Variants in IGF1R observed in about 807,000 individuals in gnomAD.
IGF1R encodes the protein insulin like growth factor 1 receptor, also known as insulin-like growth factor 1 receptor.
In IGF1R, 44 loss-of-function variants were observed where a neutral mutation model predicts 144.6. That is an observed-to-expected ratio of 0.30 (90% confidence interval 0.24 to 0.39). The LOEUF (loss-of-function observed/expected upper bound fraction) is 0.39, where lower values mean the gene tolerates loss of function less well. Among genes scored for constraint, IGF1R ranks in the 10% least tolerant of loss-of-function variants. IGF1R has a pLI of 1.00. For missense variants in IGF1R, 1,355 were observed against 1,833.7 expected (o/e 0.74, Z 4.77); for synonymous variants, 795 against 722.8 (o/e 1.10, Z -1.60).
intron 2 of IGF1R, among the ~76,000 whole-genome samples, chr15:98,769,122 T>A (rs947837205): frequency 1.4e-4 from 22 of 152,376 alleles, no homozygotes; most frequent in Admixed American, 5.9e-4. Flanking sequence ...CAGTTTTAAG[T>A]GTATAAATAT....
At chr15:98,720,346 C>G (rs1249085860) in intron 2 of IGF1R, among the ~76,000 whole-genome samples, 4 of 152,340 alleles carry the variant, frequency 2.6e-5, no homozygotes, top group Middle Eastern at 3.4e-3. Flanking sequence ...TACTGACTTT[C>G]CTTCCAGCTC....
chr15:98,740,710 C>T (rs1260571922), intron 2 of IGF1R, among the ~76,000 whole-genome samples: 1 of 152,158 alleles, frequency 6.6e-6, no homozygotes, highest in African/African-American at 2.4e-5. Context: ...AAGGAAGATC[C>T]TAAAATCTCT....
chr15:98,696,439 A>G (rs973258252), intron 1 of IGF1R, among the ~76,000 whole-genome samples: 1 of 152,216 alleles, frequency 6.6e-6, no homozygotes, highest in Admixed American at 6.5e-5. Context: ...GATGTAGTTC[A>G]TATTTCTTCA....
intron 2 of IGF1R, among the ~76,000 whole-genome samples, chr15:98,727,555 GCTTGGGTGTCT>G (rs144076390): frequency 0.23 from 34,474 of 152,026 alleles, 4,930 homozygotes; most frequent in South Asian, 0.33. Flanking sequence ...TGAGTATGGG[GCTTGGGTGTCT>G]CTGCAAGGCC....
chr15:98,946,000 GGATGATGATGATGAC>G (rs1342501928), intron 19 of IGF1R, among the ~76,000 whole-genome samples: 1 of 151,838 alleles, frequency 6.6e-6, no homozygotes, highest in African/African-American at 2.4e-5. Flanking sequence ...GAAGATGCGG[GGATGATGATGATGAC>G]GATGATGACG....
rs1384070656 is a variant in IGF1R at position 98,891,129 on chromosome 15, ACT to A, written c.641-191_641-190del. On this transcript the variant is annotated intron_variant, in intron 2 of 20. Transcript: ENST00000650285. The surrounding 1 kb of genome is among the most constrained non-coding windows in gnomAD (Gnocchi z 4.7). ...GAGAGACTGAACTTTAAAGATATCG[ACT>A]CTCTGCAGGTCTAAGTGGATGAAAG... 6.6e-6 allele frequency among the ~76,000 whole-genome samples: 1 copy of A among 151,952 alleles called. No homozygotes were observed. Among genetic ancestry groups the A allele is most frequent in the Admixed American group, 6.6e-5 (1 of 15,264 alleles).
chr15:98,861,964 C>A (rs901791935), intron 2 of IGF1R, among the ~76,000 whole-genome samples: 1 of 152,150 alleles, frequency 6.6e-6, no homozygotes, highest in Admixed American at 6.5e-5. Context: ...TTTTGTTATT[C>A]CCCAATGAGG....
chr15:98,796,016 G>A (rs1408130578), intron 2 of IGF1R, among the ~76,000 whole-genome samples: 4 of 152,174 alleles, frequency 2.6e-5, no homozygotes, highest in South Asian at 2.1e-4. Flanking sequence ...AGTGTGGTCC[G>A]TGCCGTCTCT....
intron 1 of IGF1R, among the ~76,000 whole-genome samples, chr15:98,678,632 C>T (rs1033844354): frequency 1.3e-4 from 20 of 152,176 alleles, no homozygotes; most frequent in Non-Finnish European, 2.8e-4. Flanking sequence ...CCCACCTCAG[C>T]CTCCCTGGTA....
chr15:98,764,141 C>T (rs1004802808), intron 2 of IGF1R, among the ~76,000 whole-genome samples: 1 of 152,184 alleles, frequency 6.6e-6, no homozygotes, highest in Non-Finnish European at 1.5e-5. Context: ...TCAGCCCACA[C>T]GTCTTCACTA....
intron 2 of IGF1R, among the ~76,000 whole-genome samples, chr15:98,775,171 C>T (rs1596293895): frequency 6.6e-6 from 1 of 152,176 alleles, no homozygotes; most frequent in Non-Finnish European, 1.5e-5. Flanking sequence ...TGGATGACCC[C>T]CAGCTGGGTC....
At chr15:98,652,290 AATTT>A (rs1362883599) in intron 1 of IGF1R, among the ~76,000 whole-genome samples, 20 of 152,236 alleles carry the variant, frequency 1.3e-4, no homozygotes, top group African/African-American at 4.1e-4. Context: ...ATGCACTTTA[AATTT>A]ATTGTACCCA....
chr15:98,769,607 A>G (rs1336560857), intron 2 of IGF1R, among the ~76,000 whole-genome samples: 1 of 152,194 alleles, frequency 6.6e-6, no homozygotes, highest in East Asian at 1.9e-4. Flanking sequence ...ACTGCTAGTA[A>G]TTAAAACTGA....
chr15:98,716,117 C>T (rs1006657455), intron 2 of IGF1R, among the ~76,000 whole-genome samples: 1 of 152,186 alleles, frequency 6.6e-6, no homozygotes, highest in Non-Finnish European at 1.5e-5. Context: ...CAGTGCCTTT[C>T]CTAGGGACGG....
chr15:98,841,216 G>A (rs1446930161), intron 2 of IGF1R, among the ~76,000 whole-genome samples: 1 of 152,110 alleles, frequency 6.6e-6, no homozygotes, highest in African/African-American at 2.4e-5. Flanking sequence ...AGCCCTGTAC[G>A]AGGAAGTGCT....
In IGF1R at chr15:98,960,578, G is replaced by A; in HGVS notation, c.*3136G>A. On this transcript the variant is annotated 3_prime_UTR_variant, in exon 21 of 21. Coordinates refer to ENST00000650285, the MANE Select transcript of IGF1R (RefSeq NM_000875.5). Reference sequence around the variant, plus strand: ...CCAGGGTAAAGGCGTGGGGCATTGGGTTTGCTCCCCTTGCTGCTGCTCCAT... The same window carrying A: ...CCAGGGTAAAGGCGTGGGGCATTGGATTTGCTCCCCTTGCTGCTGCTCCAT... 1 of 233,566 alleles carries A rather than the reference G, an allele frequency of 4.3e-6. No individual in the cohort carries two copies. The highest frequency in any genetic ancestry group is 8.5e-6 in the Non-Finnish European group (1 of 118,264). 14.5% of individuals were successfully genotyped at this position (233,566 alleles called of 1,614,324 possible).
intron 2 of IGF1R, among the ~76,000 whole-genome samples, chr15:98,715,063 C>T (rs1211627950): frequency 6.6e-6 from 1 of 152,208 alleles, no homozygotes; most frequent in East Asian, 1.9e-4. Flanking sequence ...AAGGCCTCTG[C>T]TCTGGTCAGC....
intron 2 of IGF1R, among the ~76,000 whole-genome samples, chr15:98,787,918 G>C (rs571097576): frequency 6.6e-6 from 1 of 152,246 alleles, no homozygotes; most frequent in African/African-American, 2.4e-5. Context: ...GGGAAAGGGA[G>C]ACAAAAGAGA....
At chr15:98,714,669 G>A (rs544364992) in intron 2 of IGF1R, among the ~76,000 whole-genome samples, 4 of 151,462 alleles carry the variant, frequency 2.6e-5, no homozygotes, top group Non-Finnish European at 5.9e-5. Context: ...AAAAGATTTT[G>A]TAACTAAGTT....
Sources: allele counts gnomAD v4.1 joint callset (sites outside exome capture counted in the v4.1 genomes callset), GRCh38; gene constraint gnomAD v4.1.1; non-coding constraint Gnocchi (gnomAD v3.1); transcripts MANE v1.5; gene names NCBI Gene and HGNC (gene_info 2026-07-23, HGNC 2026-07-21).